The following SNTG2 variants were observed in gnomAD, a reference collection of about 807,000 sequenced individuals.
The protein encoded by SNTG2 is syntrophin gamma 2, also known as gamma-2-syntrophin.
In SNTG2, 74 loss-of-function variants were observed where a neutral mutation model predicts 70.9. The ratio of observed to expected loss-of-function variants is 1.04; its 90% CI spans 0.86 to 1.27. The LOEUF (loss-of-function observed/expected upper bound fraction) is 1.27, where lower values mean the gene tolerates loss of function less well. Among genes scored for constraint, SNTG2 ranks in the 50% most tolerant of loss-of-function variants. The pLI is 0.00. For synonymous variants in SNTG2, 278 were observed against 273.8 expected, an observed-to-expected ratio of 1.02 and a Z score of -0.15; for missense variants, 717 against 690.7, an observed-to-expected ratio of 1.04 and a Z score of -0.43.
chr2:1,305,908 A>C (rs967418935), intron 14 of SNTG2, among the ~76,000 whole-genome samples: 1 of 152,248 alleles, frequency 6.6e-6, no homozygotes, highest in Non-Finnish European at 1.5e-5. Flanking sequence ...ATTCAGCAGT[A>C]GCCACTGATG....
chr2:1,251,783 C>G (rs924736746), intron 12 of SNTG2, among the ~76,000 whole-genome samples: 1 of 150,100 alleles, frequency 6.7e-6, no homozygotes, highest in Non-Finnish European at 1.5e-5. Context: ...CATCTGCACA[C>G]CACTCATGCA....
At chr2:1,077,636 ACTT>A (rs1558372458) in intron 1 of SNTG2, among the ~76,000 whole-genome samples, 1 of 152,048 alleles carries the variant, frequency 6.6e-6, no homozygotes, top group Non-Finnish European at 1.5e-5. Context: ...TCACTCAAGA[ACTT>A]CTGGCTTTTG....
At chr2:1,313,936 G>A (rs1681140426) in intron 15 of SNTG2, among the ~76,000 whole-genome samples, 1 of 152,308 alleles carries the variant, frequency 6.6e-6, no homozygotes, top group South Asian at 2.1e-4. Flanking sequence ...CAAATATTGA[G>A]TACAGTTGCA....
At chr2:1,311,055 C>T (rs1164012133) in intron 15 of SNTG2, among the ~76,000 whole-genome samples, 2 of 152,188 alleles carry the variant, frequency 1.3e-5, no homozygotes, top group East Asian at 1.9e-4. Flanking sequence ...GTAAGCATGC[C>T]GGCGGTCCGG....
At chr2:1,105,280 G>A (rs1366355632) in intron 4 of SNTG2, among the ~76,000 whole-genome samples, 1 of 151,734 alleles carries the variant, frequency 6.6e-6, no homozygotes, top group Non-Finnish European at 1.5e-5. Flanking sequence ...CATGCAGAGG[G>A]TCTTGGCTGG....
intron 4 of SNTG2, among the ~76,000 whole-genome samples, chr2:1,105,839 C>T (rs1224856083): frequency 1.3e-5 from 2 of 152,206 alleles, no homozygotes; most frequent in Non-Finnish European, 1.5e-5. Context: ...ATGCATGGCA[C>T]AGGATGGCAC....
At chr2:1,085,908 G>T (rs10865542) in intron 2 of SNTG2, among the ~76,000 whole-genome samples, 122,834 of 152,206 alleles carry the variant, frequency 0.81, 49,672 homozygotes, top group Admixed American at 0.88. Context: ...TGAATTAATG[G>T]GGTGGGATGC....
At position 1,267,474 on chromosome 2, in the gene SNTG2, G is replaced by A. The variant is rs768494785; in HGVS notation, c.1187G>A (p.Gly396Glu). The A allele has an allele frequency of 1.2e-6, 2 of 1,613,764 alleles. No homozygotes were observed. The highest frequency in any genetic ancestry group is 2.7e-5 in the African/African-American group (2 of 74,920). Residue 396 changes from glycine to glutamate, a missense_variant, in exon 14 of 17, where the codon GGG becomes GAG. Gly to Glu is a moderately conservative substitution (Grantham distance 98). Coordinates refer to ENST00000308624, the MANE Select transcript of SNTG2 (RefSeq NM_018968.4). ...PYCFSIVAGHGKSHVFNVELG... is the reference protein window; with the variant it reads ...PYCFSIVAGHEKSHVFNVELG... ...TGCTTCAGCATCGTGGCCGGCCATG[G>A]GAAGAGCCATGTTTTCAACGTGGAG... is the stretch of plus-strand genomic sequence containing the variant.
intron 1 of SNTG2, among the ~76,000 whole-genome samples, chr2:955,145 A>G (rs1305288876): frequency 6.6e-6 from 1 of 152,208 alleles, no homozygotes; most frequent in Non-Finnish European, 1.5e-5. Context: ...TATCTGTTAT[A>G]CTTTGTAAAG....
intron 16 of SNTG2, among the ~76,000 whole-genome samples, chr2:1,321,567 C>T (rs1448337709): frequency 6.6e-6 from 1 of 152,142 alleles, no homozygotes; most frequent in Non-Finnish European, 1.5e-5. Flanking sequence ...TCGATGCCCA[C>T]AGCATTTATC....
intron 4 of SNTG2, among the ~76,000 whole-genome samples, chr2:1,100,397 C>T (rs555392144): frequency 5.6e-4 from 86 of 152,270 alleles, no homozygotes; most frequent in African/African-American, 2.0e-3. Context: ...TGCCTGCCTC[C>T]GCCTCCCAAA....
chr2:1,177,722 G>A (rs1671578205), intron 8 of SNTG2, among the ~76,000 whole-genome samples: 1 of 151,972 alleles, frequency 6.6e-6, no homozygotes, highest in Non-Finnish European at 1.5e-5. Flanking sequence ...ATTTCCAGTA[G>A]ACCAGCACTT....
In SNTG2 at chr2:1,035,419, A is replaced by G. The variant is rs373127697; in HGVS notation, c.73-48099A>G. On this transcript the variant is annotated intron_variant, in intron 1 of 16. Coordinates refer to ENST00000308624, the MANE Select transcript of SNTG2 (RefSeq NM_018968.4). Reference sequence around the variant, plus strand: ...ATAAAATGTATTGAGGGTTACTTTCAAGATTCTTAATTTTGTTATCTGAAT... The same window carrying G: ...ATAAAATGTATTGAGGGTTACTTTCGAGATTCTTAATTTTGTTATCTGAAT... 2.6e-5 allele frequency among the ~76,000 whole-genome samples: 4 copies of G among 152,262 alleles called. No homozygotes were observed. The East Asian group carries it at 5.8e-4, about 22-fold the overall frequency.
chr2:1,042,407 G>A (rs181511108), intron 1 of SNTG2, among the ~76,000 whole-genome samples: 5 of 152,090 alleles, frequency 3.3e-5, no homozygotes, highest in African/African-American at 7.2e-5. Flanking sequence ...GGGGGTACAC[G>A]TGCAGGTATG....
chr2:1,208,217 G>GTGGGTTA (rs1558531699), intron 8 of SNTG2, among the ~76,000 whole-genome samples: 5 of 148,016 alleles, frequency 3.4e-5, no homozygotes, highest in African/African-American at 1.3e-4. Flanking sequence ...GCCTGTGAGC[G>GTGGGTTA]CGGGTTACAC....
At chr2:1,081,094 G>T (rs996068322) in intron 1 of SNTG2, among the ~76,000 whole-genome samples, 14 of 152,144 alleles carry the variant, frequency 9.2e-5, no homozygotes, top group African/African-American at 3.4e-4. Flanking sequence ...CAAACAGGTT[G>T]ACTTTCCGCA....
intron 16 of SNTG2, among the ~76,000 whole-genome samples, chr2:1,338,053 T>C (rs1316039358): frequency 6.6e-6 from 1 of 152,214 alleles, no homozygotes; most frequent in Non-Finnish European, 1.5e-5. Context: ...TCTGGTGTAT[T>C]CCATTCATCT....
intron 4 of SNTG2, among the ~76,000 whole-genome samples, chr2:1,106,553 C>T (rs1285867319): frequency 1.4e-5 from 2 of 140,592 alleles, no homozygotes; most frequent in Admixed American, 7.0e-5. Flanking sequence ...CGTGCTGTCA[C>T]TCGGGTGCAG....
At chr2:1,080,342 T>C (rs1342993053) in intron 1 of SNTG2, among the ~76,000 whole-genome samples, 1 of 152,224 alleles carries the variant, frequency 6.6e-6, no homozygotes, top group Non-Finnish European at 1.5e-5. Context: ...TGACTTATTT[T>C]TATAGGAATT....
Sources: gnomAD v4.1 joint callset for allele counts (sites outside exome capture counted in the v4.1 genomes callset) on GRCh38, gnomAD v4.1.1 for gene constraint, MANE v1.5 for transcripts, NCBI Gene and HGNC (gene_info 2026-07-23, HGNC 2026-07-21) for gene names.